The following FANCC variants were observed in gnomAD, a reference collection of about 807,000 sequenced individuals.
FANCC encodes FA complementation group C, also known as Fanconi anemia group C protein.
FANCC carries 55 observed loss-of-function variants against 71.3 expected under a neutral mutation model. The ratio of observed to expected loss-of-function variants is 0.77; its 90% CI spans 0.62 to 0.97. The LOEUF is 0.97. FANCC is among the 50% of genes least tolerant of loss of function. The pLI is 0.00. For synonymous variants in FANCC, 275 were observed against 244.9 expected (o/e 1.12, Z -1.15); for missense variants, 678 against 670.9 (o/e 1.01, Z -0.12).
chr9:95,221,132 C>T (rs1286825638), intron 4 of FANCC, among the ~76,000 whole-genome samples: 1 of 152,036 alleles, frequency 6.6e-6, no homozygotes, highest in African/African-American at 2.4e-5. Context: ...CTCCGGAAGG[C>T]TGAGGCAGGG....
intron 1 of FANCC, among the ~76,000 whole-genome samples, chr9:95,305,377 G>A (rs918881322): frequency 1.2e-4 from 19 of 152,150 alleles, no homozygotes; most frequent in Admixed American, 1.1e-3. Context: ...GTCCCACTAA[G>A]TGGAAACTAA....
At chr9:95,251,159 ATTCCCTGTC>A (rs1831307811) in intron 1 of FANCC, among the ~76,000 whole-genome samples, 1 of 152,116 alleles carries the variant, frequency 6.6e-6, no homozygotes, top group African/African-American at 2.4e-5. Flanking sequence ...TGGTGTGTAA[ATTCCCTGTC>A]TTCCTAGAAT....
intron 1 of FANCC, among the ~76,000 whole-genome samples, chr9:95,311,049 C>T (rs1184485195): frequency 6.6e-6 from 1 of 152,048 alleles, no homozygotes; most frequent in East Asian, 1.9e-4. Flanking sequence ...TCAAGACCAT[C>T]CTGGCTAACA....
intron 1 of FANCC, among the ~76,000 whole-genome samples, chr9:95,310,199 C>T (rs1835305485): frequency 1.3e-5 from 2 of 152,024 alleles, no homozygotes; most frequent in South Asian, 2.1e-4. Flanking sequence ...TCTGTCTCTA[C>T]AAAAATAATG....
At chr9:95,223,378 G>GCATT (rs1441142460) in intron 4 of FANCC, among the ~76,000 whole-genome samples, 2 of 152,110 alleles carry the variant, frequency 1.3e-5, no homozygotes, top group Non-Finnish European at 2.9e-5. Context: ...TCTCCACATA[G>GCATT]CATTCTCCCT....
chr9:95,140,615 C>A (rs987095634), intron 7 of FANCC, among the ~76,000 whole-genome samples: 1 of 152,110 alleles, frequency 6.6e-6, no homozygotes, highest in Admixed American at 6.5e-5. Context: ...GCTTCCTCAG[C>A]CAAGACAAAG....
At chr9:95,225,267 A>G (rs1319541817) in intron 4 of FANCC, among the ~76,000 whole-genome samples, 2 of 152,200 alleles carry the variant, frequency 1.3e-5, no homozygotes. Flanking sequence ...AATACCTCCC[A>G]CTACAGACGT....
chr9:95,117,477 A>G (rs2072517721), intron 10 of FANCC, 87 bp from the exon 11 acceptor site: 3 of 1,027,878 alleles, frequency 2.9e-6, no homozygotes, highest in South Asian at 2.7e-5. Context: ...CCTCTGCCCA[A>G]AAAAGACCCA....
intron 4 of FANCC, among the ~76,000 whole-genome samples, chr9:95,172,393 T>C (rs1447903998): frequency 6.6e-6 from 1 of 152,220 alleles, no homozygotes; most frequent in Non-Finnish European, 1.5e-5. Flanking sequence ...ATATCATCAA[T>C]GAGCAGTGCT....
chr9:95,129,443 A>G (rs1212293085), intron 8 of FANCC, among the ~76,000 whole-genome samples: 2 of 152,170 alleles, frequency 1.3e-5, no homozygotes, highest in Non-Finnish European at 2.9e-5. Flanking sequence ...TCTCTGTAGC[A>G]TCTTCATGAG....
intron 4 of FANCC, among the ~76,000 whole-genome samples, chr9:95,213,479 A>C (rs1783498651): frequency 6.6e-6 from 1 of 152,176 alleles, no homozygotes; most frequent in Admixed American, 6.5e-5. Flanking sequence ...AGAATAGAAT[A>C]CAGAGTCCAA....
At chr9:95,253,712 G>A (rs1027616338) in intron 1 of FANCC, among the ~76,000 whole-genome samples, 1 of 151,780 alleles carries the variant, frequency 6.6e-6, no homozygotes, top group African/African-American at 2.4e-5. Context: ...TTGGTTACAC[G>A]GTAAGTCCTT....
At chr9:95,180,749 C>T (rs1318365401) in intron 4 of FANCC, among the ~76,000 whole-genome samples, 1 of 151,786 alleles carries the variant, frequency 6.6e-6, no homozygotes, top group African/African-American at 2.4e-5. Context: ...TAATTATGTA[C>T]TATATATAAT....
chr9:95,254,730 C>T (rs549897432), intron 1 of FANCC, among the ~76,000 whole-genome samples: 5 of 152,114 alleles, frequency 3.3e-5, no homozygotes, highest in East Asian at 1.9e-4. Flanking sequence ...GAGACAGAAC[C>T]GTTCACTCCC....
intron 1 of FANCC, among the ~76,000 whole-genome samples, chr9:95,254,915 G>A (rs568900926): frequency 8.5e-5 from 13 of 152,270 alleles, no homozygotes; most frequent in Admixed American, 6.5e-5. Flanking sequence ...CCATTACTGA[G>A]GCTTGAGAAG....
At position 95,101,357 on chromosome 9, in the gene FANCC, T is replaced by A; in HGVS notation, c.*350A>T. The A allele has an allele frequency of 2.6e-6, 1 of 390,342 alleles. No homozygotes were observed. Among genetic ancestry groups the A allele is most frequent in the Non-Finnish European group, 4.7e-6 (1 of 210,694 alleles). 24.2% of individuals were successfully genotyped at this position (390,342 alleles called of 1,614,324 possible). A position where few individuals can be genotyped will look rare whatever the true frequency, so the allele number is the denominator to read the frequency against. ...TCTTGGTTCTAAGACTTTGAATTTT[T>A]AAATAATAGATGTGCAGCTTGACTT... is the stretch of plus-strand genomic sequence containing the variant. On this transcript the variant is annotated 3_prime_UTR_variant, in exon 15 of 15. Transcript: ENST00000289081.
chr9:95,275,158 C>A (rs1035885690), intron 1 of FANCC, among the ~76,000 whole-genome samples: 1 of 151,162 alleles, frequency 6.6e-6, no homozygotes, highest in Non-Finnish European at 1.5e-5. Flanking sequence ...GTTGTGTGTA[C>A]CTGTACTCCC....
chr9:95,114,871 T>A (rs2072259718), intron 11 of FANCC, among the ~76,000 whole-genome samples, 161 bp from the exon 12 acceptor site: 2 of 152,198 alleles, frequency 1.3e-5, no homozygotes, highest in Non-Finnish European at 2.9e-5. Context: ...AGTACCTATC[T>A]CTTAAGCCTG....
At chr9:95,296,806 C>A (rs574729977) in intron 1 of FANCC, among the ~76,000 whole-genome samples, 13 of 152,298 alleles carry the variant, frequency 8.5e-5, no homozygotes, top group Middle Eastern at 3.4e-3. Context: ...AGCGGGCTAG[C>A]TCTCATCTAC....
Sources: gnomAD v4.1 joint callset for allele counts (sites outside exome capture counted in the v4.1 genomes callset) on GRCh38, gnomAD v4.1.1 for gene constraint, MANE v1.5 for transcripts, NCBI Gene and HGNC (gene_info 2026-07-23, HGNC 2026-07-21) for gene names.